The following CCDC171 variants were observed in gnomAD, a reference collection of about 807,000 sequenced individuals.
CCDC171 encodes the protein coiled-coil domain containing 171.
In CCDC171, 177 loss-of-function variants were observed where a neutral mutation model predicts 168.2. The ratio of observed to expected loss-of-function variants is 1.05; its 90% CI spans 0.93 to 1.19. The LOEUF (loss-of-function observed/expected upper bound fraction) is 1.19, where lower values mean the gene tolerates loss of function less well. Ranked by LOEUF, CCDC171 falls within the 50% of genes most tolerant of loss-of-function variation. The probability of loss-of-function intolerance (pLI) is 0.00; values close to 1 mark genes in which losing one functional copy is unlikely to be tolerated. For missense variants in CCDC171, 1,991 were observed against 1,539.0 expected, an observed-to-expected ratio of 1.29 and a Z score of -4.91; for synonymous variants, 687 against 540.8, an observed-to-expected ratio of 1.27 and a Z score of -3.75.
intron 20 of CCDC171, among the ~76,000 whole-genome samples, chr9:15,780,072 CAG>C (rs2057580857): frequency 6.6e-6 from 1 of 152,302 alleles, no homozygotes; most frequent in African/African-American, 2.4e-5. Flanking sequence ...TTTGCAGTAA[CAG>C]AGGCAGCAGC....
chr9:15,654,624 T>C (rs1359009441), intron 7 of CCDC171, among the ~76,000 whole-genome samples: 5 of 152,160 alleles, frequency 3.3e-5, no homozygotes, highest in Non-Finnish European at 1.5e-5. Flanking sequence ...AGAAGGAAAG[T>C]CAGATTAATC....
downstream of CCDC171, among the ~76,000 whole-genome samples, chr9:16,064,199 T>G (rs911362792): frequency 1.3e-5 from 2 of 152,190 alleles, no homozygotes; most frequent in African/African-American, 4.8e-5. Context: ...AAAAGCATGC[T>G]TTTGTGTGTA....
At chr9:15,760,469 C>G (rs1241101549) in intron 18 of CCDC171, among the ~76,000 whole-genome samples, 2 of 152,122 alleles carry the variant, frequency 1.3e-5, no homozygotes, top group Non-Finnish European at 2.9e-5. Context: ...GGTACCGTTG[C>G]TTACTATTTG....
intron 25 of CCDC171, among the ~76,000 whole-genome samples, chr9:15,950,656 C>T (rs915597518): frequency 2.0e-5 from 3 of 151,908 alleles, no homozygotes; most frequent in African/African-American, 7.3e-5. Context: ...CCGATACCAG[C>T]CGCTGCAAAA....
the CCDC171 span, among the ~76,000 whole-genome samples, chr9:16,070,643 G>T: frequency 1.4e-4 from 22 of 152,312 alleles, no homozygotes; most frequent in African/African-American, 5.3e-4. Context: ...ACTAAGGCAG[G>T]AGCAAGAAAG....
chr9:15,689,359 A>C (rs1468647969), intron 10 of CCDC171, among the ~76,000 whole-genome samples: 1 of 152,286 alleles, frequency 6.6e-6, no homozygotes, highest in East Asian at 1.9e-4. Flanking sequence ...CTGTACCACC[A>C]ATGAACTTTT....
At chr9:15,897,643 C>T (rs1258763135) in intron 24 of CCDC171, among the ~76,000 whole-genome samples, 2 of 151,986 alleles carry the variant, frequency 1.3e-5, no homozygotes, top group East Asian at 3.9e-4. Flanking sequence ...GGTGTCATAG[C>T]AAAATTCAAA....
chr9:15,657,836 A>G (rs1274021998), intron 8 of CCDC171, among the ~76,000 whole-genome samples: 1 of 152,158 alleles, frequency 6.6e-6, no homozygotes, highest in Non-Finnish European at 1.5e-5. Flanking sequence ...TAAGGAAATT[A>G]TCCTTTTTGC....
intron 21 of CCDC171, among the ~76,000 whole-genome samples, chr9:15,822,744 A>G (rs968951999): frequency 2.0e-5 from 3 of 152,170 alleles, no homozygotes; most frequent in Non-Finnish European, 4.4e-5. Flanking sequence ...GTGGGACTGT[A>G]AACTAGTTCA....
At chr9:16,076,720 A>T in the CCDC171 span, among the ~76,000 whole-genome samples, 3 of 152,180 alleles carry the variant, frequency 2.0e-5, no homozygotes, top group Non-Finnish European at 1.5e-5. Context: ...GCCAGCAGGA[A>T]AATTTATAGC....
In CCDC171 at chr9:15,603,245, G is replaced by A. The variant is rs190817656; in HGVS notation, c.675+9073G>A. On this transcript the variant is annotated intron_variant, in intron 6 of 25. Coordinates refer to ENST00000380701, the MANE Select transcript of CCDC171 (RefSeq NM_173550.4). ...GTGATCTTCCCGCCTCAGCCTCCCA[G>A]AGTGCTGGGATTTATTTTAAGTTTT... Among the ~76,000 whole-genome samples, 367 of 152,184 alleles carry A rather than the reference G, an allele frequency of 2.4e-3. 2 individuals carry two copies. Among genetic ancestry groups the A allele is most frequent in the African/African-American group, 8.5e-3 (355 of 41,530 alleles).
chr9:15,944,272 A>T (rs1046219012), intron 25 of CCDC171, among the ~76,000 whole-genome samples: 1 of 152,014 alleles, frequency 6.6e-6, no homozygotes, highest in Non-Finnish European at 1.5e-5. Flanking sequence ...GGCCAAAGTC[A>T]TCTACACTTA....
chr9:15,647,585 A>G (rs2132686492), intron 7 of CCDC171, among the ~76,000 whole-genome samples: 1 of 152,320 alleles, frequency 6.6e-6, no homozygotes, highest in Non-Finnish European at 1.5e-5. Flanking sequence ...ATTCCACAGA[A>G]ATAGAGACTA....
chr9:15,997,019 G>T (rs1426179781), intron 3 of CCDC171, among the ~76,000 whole-genome samples: 3 of 152,114 alleles, frequency 2.0e-5, no homozygotes. Context: ...GGGTCATTTG[G>T]GAAAGACACT....
At position 15,564,646 on chromosome 9, in the gene CCDC171, C is replaced by T. The variant is rs139015952; in HGVS notation, c.41+517C>T. 3.4e-3 allele frequency among the ~76,000 whole-genome samples: 521 copies of T among 152,280 alleles called. 3 individuals are homozygous for T. Among genetic ancestry groups the T allele is most frequent in the Middle Eastern group, 0.017 (5 of 294 alleles). ...ATCTTTTTTGTACCATTGATTTCTG[C>T]CTTTGGGCGTGGCGCCTACCTTTAG... On this transcript the variant is annotated intron_variant, in intron 2 of 25. Transcript: ENST00000380701.
chr9:15,653,070 T>C (rs2047650899), intron 7 of CCDC171, among the ~76,000 whole-genome samples: 1 of 152,232 alleles, frequency 6.6e-6, no homozygotes, highest in African/African-American at 2.4e-5. Flanking sequence ...ACTTCCCATT[T>C]ACTTTTTCTG....
chr9:15,833,521 C>T (rs2060322027), intron 21 of CCDC171, among the ~76,000 whole-genome samples: 1 of 152,246 alleles, frequency 6.6e-6, no homozygotes, highest in African/African-American at 2.4e-5. Flanking sequence ...AAATAATTTT[C>T]TCTGTAATTA....
intron 21 of CCDC171, among the ~76,000 whole-genome samples, chr9:15,809,926 C>A (rs1340249882): frequency 6.6e-6 from 1 of 152,080 alleles, no homozygotes; most frequent in African/African-American, 2.4e-5. Flanking sequence ...TTACAGAGAG[C>A]TGTTTGGTCC....
chr9:15,903,658 C>T (rs537512686), intron 24 of CCDC171, among the ~76,000 whole-genome samples: 17 of 152,124 alleles, frequency 1.1e-4, no homozygotes, highest in Non-Finnish European at 1.8e-4. Context: ...TCACCAGCAA[C>T]GGAAGAAAGC....
Sources: gnomAD v4.1 joint callset for allele counts (sites outside exome capture counted in the v4.1 genomes callset) on GRCh38, gnomAD v4.1.1 for gene constraint, MANE v1.5 for transcripts, NCBI Gene and HGNC (gene_info 2026-07-23, HGNC 2026-07-21) for gene names.